CHD2: variants seen among roughly 807,000 people sequenced by gnomAD.
CHD2 encodes the protein chromodomain helicase DNA binding protein 2.
In CHD2, 28 loss-of-function variants were observed where a neutral mutation model predicts 243.9. That is an observed-to-expected ratio of 0.11 (90% CI 0.09 to 0.16). The LOEUF is 0.16. Ranked by LOEUF, CHD2 falls within the 10% of genes least tolerant of loss-of-function variation. CHD2 has a pLI of 1.00. For missense variants in CHD2, 1,386 were observed against 2,209.8 expected, an observed-to-expected ratio of 0.63 and a Z score of 7.47; for synonymous variants, 775 against 779.0, an observed-to-expected ratio of 0.99 and a Z score of 0.09.
At position 92,998,726 on chromosome 15, in the gene CHD2, C is replaced by T; in HGVS notation, c.4008+105C>T. 7.4e-7 allele frequency: 1 copy of T among 1,355,690 alleles called. No homozygotes were observed. Among genetic ancestry groups the T allele is most frequent in the Non-Finnish European group, 1.0e-6 (1 of 995,072 alleles). 84.0% of individuals were successfully genotyped at this position (1,355,690 alleles called of 1,614,324 possible). A position where few individuals can be genotyped will look rare whatever the true frequency, so the allele number is the denominator to read the frequency against. On this transcript the variant is annotated intron_variant, in intron 31 of 38. Transcript: ENST00000394196. This position sits in a 1 kb window ranked among gnomAD's most constrained non-coding sequence, Gnocchi z 5.1. The stretch of plus-strand genomic sequence containing the variant: ...TCTCTGAGCACTGCACAGAATGTCA[C>T]CTTCTCATGGGCATATTTTGTTTTT...
Position 93,016,156 on chromosome 15 carries a change from T to C in CHD2, c.4906+1247T>C, listed in dbSNP as rs569594412. Among the ~76,000 whole-genome samples the C allele has an allele frequency of 2.0e-5, 3 of 152,344 alleles. No homozygotes were observed. In the East Asian group the frequency reaches 5.8e-4, roughly 29 times the overall value. On this transcript the variant is annotated intron_variant, in intron 37 of 38. Coordinates refer to ENST00000394196, the MANE Select transcript of CHD2 (RefSeq NM_001271.4). ...ATAAAGAAAATGTGTATATACACAA[T>C]CGAATAGTATTCAGCTTTAAAAAGA...
intron 32 of CHD2, among the ~76,000 whole-genome samples, chr15:93,001,033 T>A (rs948896195): frequency 6.6e-6 from 1 of 152,092 alleles, no homozygotes. Context: ...CACGCCAGGC[T>A]CATTTTTGTA....
At chr15:92,993,948 G>A (rs1352923037) in intron 28 of CHD2, among the ~76,000 whole-genome samples, 2 of 151,994 alleles carry the variant, frequency 1.3e-5, no homozygotes, top group Non-Finnish European at 2.9e-5. Flanking sequence ...CTTCAGCCTG[G>A]GTGACAGAGC....
intron 2 of CHD2, among the ~76,000 whole-genome samples, chr15:92,923,756 G>A (rs1056264485): frequency 6.6e-6 from 1 of 151,952 alleles, no homozygotes; most frequent in African/African-American, 2.4e-5. Context: ...AATAGAGATG[G>A]GGTTTCACCG....
In CHD2 at chr15:92,906,814, G is replaced by A. The variant is rs151331223; in HGVS notation, c.62+5515G>A. 2.5e-3 allele frequency among the ~76,000 whole-genome samples: 384 copies of A among 152,128 alleles called. 1 individual carries two copies. The highest frequency in any genetic ancestry group is 0.01 in the Middle Eastern group (3 of 294). On this transcript the variant is annotated intron_variant, in intron 2 of 38. Coordinates refer to ENST00000394196, the MANE Select transcript of CHD2 (RefSeq NM_001271.4). The stretch of plus-strand genomic sequence containing the variant: ...AAAAATTCCTCTAAGAGTATTTTGT[G>A]TACAGGTGAAAGTAACTTTGTGGCT...
At chr15:92,951,436 G>T (rs1323492617) in intron 13 of CHD2, among the ~76,000 whole-genome samples, 1 of 152,040 alleles carries the variant, frequency 6.6e-6, no homozygotes, top group Non-Finnish European at 1.5e-5. Context: ...CTCCCAAAGT[G>T]CTGGGATTAC....
chr15:93,001,333 A>C (rs1383634334), intron 32 of CHD2, among the ~76,000 whole-genome samples: 2 of 152,164 alleles, frequency 1.3e-5, no homozygotes, highest in Non-Finnish European at 2.9e-5. Context: ...TTGGCTTGCC[A>C]GTTTGTAACC....
intron 16 of CHD2, among the ~76,000 whole-genome samples, chr15:92,959,658 A>AT (rs1314596002): frequency 6.6e-6 from 1 of 151,918 alleles, no homozygotes; most frequent in Non-Finnish European, 1.5e-5. Flanking sequence ...TGCTCAACTA[A>AT]TTTTTTGTAT....
chr15:92,916,806 C>T (rs996182386), intron 2 of CHD2, among the ~76,000 whole-genome samples: 2 of 152,304 alleles, frequency 1.3e-5, no homozygotes, highest in African/African-American at 2.4e-5. Context: ...ACCACCTCGG[C>T]CTCCCAAATT....
At chr15:92,976,390 G>T (rs1214655407) in intron 20 of CHD2, among the ~76,000 whole-genome samples, 1 of 152,090 alleles carries the variant, frequency 6.6e-6, no homozygotes, top group African/African-American at 2.4e-5. Flanking sequence ...AAAAACAATT[G>T]TACCCCTCAT....
chr15:92,980,211 AT>A lies in CHD2; in HGVS notation c.2877-594del, dbSNP rs1206516115. On this transcript the variant is annotated intron_variant, in intron 22 of 38. Transcript: ENST00000394196. ...AGGTGTGCACCACCACACCTAGCTA[AT>A]TTTTTTTTTCTTTTTTTTTTTTTTT... is the stretch of plus-strand genomic sequence containing the variant. 4.1e-3 allele frequency among the ~76,000 whole-genome samples: 462 copies of A among 112,844 alleles called. 3 individuals are homozygous for A. Among genetic ancestry groups the A allele is most frequent in the African/African-American group, 0.012 (395 of 32,162 alleles). 74.0% of individuals were successfully genotyped at this position (112,844 alleles called of 152,430 possible).
At chr15:92,937,673 G>A (rs777135807) in intron 6 of CHD2, 48 bp downstream of exon 6, 5 of 1,350,960 alleles carry the variant, frequency 3.7e-6, no homozygotes, top group African/African-American at 2.9e-5. Context: ...TTAATCTGCT[G>A]TAGATTGGGA....
At chr15:92,904,563 A>C in intron 2 of CHD2, 3 of 1,013,614 alleles carry the variant, frequency 3.0e-6, no homozygotes, top group Non-Finnish European at 3.5e-6. Context: ...TGCTCCTGGC[A>C]GTCTTGTCCG....
At chr15:92,902,353 T>A (rs1048962483) in intron 2 of CHD2, 2 of 392,138 alleles carry the variant, frequency 5.1e-6, no homozygotes, top group Non-Finnish European at 9.0e-6. Flanking sequence ...CATTTTTTGA[T>A]GTGTTCTTTA....
intron 25 of CHD2, among the ~76,000 whole-genome samples, chr15:92,985,260 A>G (rs1036495770): frequency 6.6e-6 from 1 of 152,216 alleles, no homozygotes; most frequent in African/African-American, 2.4e-5. Flanking sequence ...TTGTAAAAAT[A>G]TTCATATATT....
At position 93,027,943 on chromosome 15, in the gene CHD2, C is replaced by G; in HGVS notation, c.*3238C>G. The G allele has an allele frequency of 6.5e-6, 1 of 152,778 alleles. No homozygotes were observed. The highest frequency in any genetic ancestry group is 1.9e-4 in the East Asian group (1 of 5,196). 9.5% of individuals were successfully genotyped at this position (152,778 alleles called of 1,614,324 possible). A position where few individuals can be genotyped will look rare whatever the true frequency, so the allele number is the denominator to read the frequency against. On this transcript the variant is annotated 3_prime_UTR_variant, in exon 39 of 39. Transcript: ENST00000394196. ...TATTAAATTTTCCTACATTGTAAAA[C>G]TGCTGTACTTTTGATTCTTGTATAT...
rs560197905 is a variant in CHD2 at position 92,965,602 on chromosome 15, C to T, written c.2001-1723C>T. On this transcript the variant is annotated intron_variant, in intron 16 of 38. Transcript: ENST00000394196. ...AAAAAAAAAAAAAAAAAAACCAACTCAGAATCTGATGGTAAATATTTTTGG... is the reference window on the plus strand; with the variant it reads ...AAAAAAAAAAAAAAAAAAACCAACTTAGAATCTGATGGTAAATATTTTTGG... Among the ~76,000 whole-genome samples the T allele has an allele frequency of 1.5e-4, 20 of 131,752 alleles. No individual in the cohort carries two copies. The East Asian group carries it at 3.3e-3, about 22-fold the overall frequency. 86.4% of individuals were successfully genotyped at this position (131,752 alleles called of 152,430 possible).
At chr15:92,939,847 T>G in intron 7 of CHD2, 129 bp downstream of exon 7, 1 of 1,024,908 alleles carries the variant, frequency 9.8e-7, no homozygotes, top group Non-Finnish European at 1.4e-6. Context: ...GAAGTTGTTT[T>G]CAGAAATCTG....
intron 35 of CHD2, 90 bp downstream of exon 35, chr15:93,009,413 C>CTTTTAT: frequency 7.7e-7 from 1 of 1,293,582 alleles, no homozygotes; most frequent in Non-Finnish European, 1.1e-6. Flanking sequence ...GCATAGCCAC[C>CTTTTAT]TAAGAAATCT....
Sources: gnomAD v4.1 joint callset for allele counts (sites outside exome capture counted in the v4.1 genomes callset) on GRCh38, gnomAD v4.1.1 for gene constraint, Gnocchi (gnomAD v3.1) non-coding constraint, MANE v1.5 for transcripts, NCBI Gene and HGNC (gene_info 2026-07-23, HGNC 2026-07-21) for gene names.